Variants in RPS6KA3 observed in about 807,000 individuals in gnomAD.
The protein encoded by RPS6KA3 is ribosomal protein S6 kinase alpha-3.
In RPS6KA3, 4 loss-of-function variants were observed where a neutral mutation model predicts 67.2. The observed-to-expected ratio is 0.06, with a 90% CI of 0.03 to 0.14. The LOEUF (loss-of-function observed/expected upper bound fraction) is 0.14. Among genes scored for constraint, RPS6KA3 ranks in the 10% least tolerant of loss-of-function variants. The pLI, the probability that RPS6KA3 is intolerant of heterozygous loss-of-function variation, is 1.00. For synonymous variants in RPS6KA3, 182 were observed against 183.7 expected, an observed-to-expected ratio of 0.99 and a Z score of 0.07; for missense variants, 204 against 559.0, an observed-to-expected ratio of 0.36 and a Z score of 6.40.
chrX:20,220,488 A>G (rs1202467701), intron 2 of RPS6KA3, among the ~76,000 whole-genome samples: 1 of 107,504 alleles, frequency 9.3e-6, no homozygotes, highest in Non-Finnish European at 1.9e-5. Context: ...CAGTCTGAAC[A>G]TGAGGTGGCT....
At chrX:20,163,127 C>T (rs950349595) in intron 18 of RPS6KA3, 87 bp from the exon 19 acceptor site, 4 of 626,806 alleles carry the variant, frequency 6.4e-6, no homozygotes, top group Non-Finnish European at 8.1e-6. Context: ...TATTCCAAAT[C>T]AACACCTATA....
intron 2 of RPS6KA3, among the ~76,000 whole-genome samples, chrX:20,220,717 T>C (rs1232402684): frequency 2.7e-5 from 3 of 111,997 alleles, no homozygotes; most frequent in Non-Finnish European, 5.6e-5. Flanking sequence ...TGGTTTTTAA[T>C]AATCAGCACT....
At position 20,166,801 on chromosome X, in the gene RPS6KA3, T is replaced by A. The variant is rs955185435; in HGVS notation, c.1602+788A>T. Among the ~76,000 whole-genome samples, 3 of 97,224 alleles carry A rather than the reference T, an allele frequency of 3.1e-5. No individual in the cohort carries two copies. In the Admixed American group the frequency reaches 3.6e-4, roughly 12 times the overall value. The allele number at this position is 97,224 out of a possible 115,157, so 84.4% of individuals were successfully genotyped here. On this transcript the variant is annotated intron_variant, in intron 17 of 21. Coordinates refer to ENST00000379565, the MANE Select transcript of RPS6KA3 (RefSeq NM_004586.3). ...GGTGCAATTTCAACTCACTGCAACC[T>A]CCGCCTCTCGGGTTCAAGCAATTCT... is the stretch of plus-strand genomic sequence containing the variant.
At chrX:20,229,719 T>C (rs1406889735) in intron 2 of RPS6KA3, among the ~76,000 whole-genome samples, 1 of 112,236 alleles carries the variant, frequency 8.9e-6, no homozygotes, top group Non-Finnish European at 1.9e-5. Context: ...TAATAAATAT[T>C]TTGACAATCT....
At chrX:20,186,423 C>A in intron 9 of RPS6KA3, 57 bp from the exon 10 acceptor site, 1 of 694,225 alleles carries the variant, frequency 1.4e-6, no homozygotes, top group Admixed American at 2.7e-5. Context: ...ATCTGAAGGC[C>A]AGAAGGTAAA....
At chrX:20,245,394 C>T (rs1172241919) in intron 1 of RPS6KA3, among the ~76,000 whole-genome samples, 1 of 111,719 alleles carries the variant, frequency 9.0e-6, no homozygotes, top group Non-Finnish European at 1.9e-5. Flanking sequence ...TTATCTATAC[C>T]TGTCAATGGT....
intron 2 of RPS6KA3, among the ~76,000 whole-genome samples, chrX:20,215,647 T>C (rs2068832522): frequency 8.9e-6 from 1 of 112,066 alleles, no homozygotes; most frequent in Non-Finnish European, 1.9e-5. Flanking sequence ...CATGGGACCA[T>C]GACTATTTTA....
At chrX:20,167,457 A>G (rs1351009950) in intron 17 of RPS6KA3, 132 bp downstream of exon 17, 1 of 586,229 alleles carries the variant, frequency 1.7e-6, no homozygotes, top group African/African-American at 2.3e-5. Flanking sequence ...ATATAGAGGA[A>G]GGTCAGTAGG....
chrX:20,194,809 G>T (rs890333804), intron 5 of RPS6KA3, among the ~76,000 whole-genome samples: 18 of 110,213 alleles, frequency 1.6e-4, no homozygotes, highest in Non-Finnish European at 3.0e-4. Flanking sequence ...TAATAAAAAA[G>T]CAATAATTAT....
chrX:20,172,427 T>G (rs1460666100), intron 15 of RPS6KA3, among the ~76,000 whole-genome samples: 1 of 111,724 alleles, frequency 9.0e-6, no homozygotes, highest in Non-Finnish European at 1.9e-5. Context: ...CACACAATTT[T>G]GAGGAATTTG....
chrX:20,216,628 TTAAGAAG>T (rs1212447542), intron 2 of RPS6KA3, among the ~76,000 whole-genome samples: 4 of 110,294 alleles, frequency 3.6e-5, no homozygotes. Context: ...GCAGGCTTTA[TTAAGAAG>T]ATGCTATTTG....
chrX:20,188,574 G>C, intron 7 of RPS6KA3, 40 bp from the exon 8 acceptor site: 1 of 693,410 alleles, frequency 1.4e-6, no homozygotes, highest in Non-Finnish European at 2.3e-6. Context: ...ACACTAAATA[G>C]AGATTTATAG....
Position 20,195,094 on chromosome X carries a change from T to C in RPS6KA3, c.377A>G (p.Asn126Ser). 8.3e-7 allele frequency: 1 copy of C among 1,203,370 alleles called. No homozygotes were observed. The highest frequency in any genetic ancestry group is 1.1e-6 in the Non-Finnish European group (1 of 888,098). The change falls in exon 5 of 22, where the codon AAT becomes AGT. Residue 126 changes from asparagine (N) to serine (S), a missense_variant. This residue lies in a region of RPS6KA3 where 76 missense variants were observed against 250.3 expected (regional missense o/e 0.30). Coordinates refer to ENST00000379565, the MANE Select transcript of RPS6KA3 (RefSeq NM_004586.3). ...KMERDILVEVNHPFIVKLHYA... is the reference protein window; with the variant it reads ...KMERDILVEVSHPFIVKLHYA... Reference sequence around the variant, plus strand: ...ATGCAACTTGACAATAAAAGGATGATTAACCTCTACCAAGATATCACGTTC... The same window carrying C: ...ATGCAACTTGACAATAAAAGGATGACTAACCTCTACCAAGATATCACGTTC...
At chrX:20,171,420 A>G (rs1682284175) in intron 15 of RPS6KA3, among the ~76,000 whole-genome samples, 1 of 112,001 alleles carries the variant, frequency 8.9e-6, no homozygotes, top group Admixed American at 9.5e-5. Flanking sequence ...GAGGAGAGGT[A>G]TATGGAATAG....
At chrX:20,256,821 T>C (rs2070082119) in intron 1 of RPS6KA3, among the ~76,000 whole-genome samples, 1 of 112,071 alleles carries the variant, frequency 8.9e-6, no homozygotes, top group African/African-American at 3.2e-5. Context: ...GGCTTCATGC[T>C]ACATACATAC....
At chrX:20,200,604 T>C (rs1318424856) in intron 4 of RPS6KA3, among the ~76,000 whole-genome samples, 2 of 112,249 alleles carry the variant, frequency 1.8e-5, no homozygotes, top group African/African-American at 3.2e-5. Context: ...ACATTCATTT[T>C]TGTAATTTTA....
At chrX:20,263,824 G>A (rs1057153057) in intron 1 of RPS6KA3, among the ~76,000 whole-genome samples, 1 of 111,508 alleles carries the variant, frequency 9.0e-6, no homozygotes, top group South Asian at 3.7e-4. Flanking sequence ...GATTCAGAGA[G>A]GGGGGGAAAA....
chrX:20,185,996 G>T (rs1309211260), intron 10 of RPS6KA3, among the ~76,000 whole-genome samples: 1 of 112,019 alleles, frequency 8.9e-6, no homozygotes, highest in Non-Finnish European at 1.9e-5. Flanking sequence ...ATGGAGTGCA[G>T]TGGTGTGATA....
chrX:20,176,831 A>G (rs955394423), intron 11 of RPS6KA3, among the ~76,000 whole-genome samples, 165 bp downstream of exon 11: 1 of 111,742 alleles, frequency 8.9e-6, no homozygotes, highest in African/African-American at 3.3e-5. Context: ...GACTCAAGTA[A>G]TTCTCCCGCC....
Sources: gnomAD v4.1 joint callset for allele counts (sites outside exome capture counted in the v4.1 genomes callset) on GRCh38, gnomAD v4.1.1 for gene constraint, gnomAD v4.1.1 regional missense constraint, MANE v1.5 for transcripts, NCBI Gene and HGNC (gene_info 2026-07-23, HGNC 2026-07-21) for gene names.